EGFLAM: variants seen among roughly 807,000 people sequenced by gnomAD.
EGFLAM encodes pikachurin.
A neutral mutation model predicts 113.1 loss-of-function variants in EGFLAM; 79 were observed. That is an observed-to-expected ratio of 0.70 (90% CI 0.58 to 0.84). The LOEUF (loss-of-function observed/expected upper bound fraction) is 0.84, where lower values mean the gene tolerates loss of function less well. Among genes scored for constraint, EGFLAM ranks in the 40% least tolerant of loss-of-function variants. The pLI is 0.00. For missense variants in EGFLAM, 1,265 were observed against 1,291.6 expected, an observed-to-expected ratio of 0.98 and a Z score of 0.32; for synonymous variants, 504 against 487.6, an observed-to-expected ratio of 1.03 and a Z score of -0.44.
At chr5:38,272,127 G>T (rs1001250338) in intron 1 of EGFLAM, among the ~76,000 whole-genome samples, 3 of 152,190 alleles carry the variant, frequency 2.0e-5, no homozygotes, top group Non-Finnish European at 4.4e-5. Flanking sequence ...CCTACATGCT[G>T]CCAAAGGCTA....
chr5:38,330,711 C>A (rs1157235977), intron 1 of EGFLAM, among the ~76,000 whole-genome samples: 2 of 152,176 alleles, frequency 1.3e-5, no homozygotes, highest in African/African-American at 4.8e-5. Flanking sequence ...GCAAAGGAAG[C>A]AAGAAATATT....
chr5:38,406,713 C>A lies in EGFLAM; in HGVS notation c.829-115C>A. ...TCAGTGCTGTCTTCCCCATCTCCAT[C>A]CTAGGGTTTTTGGAAGTGACCATGT... is the stretch of plus-strand genomic sequence containing the variant. On this transcript the variant is annotated intron_variant, in intron 7 of 21. Coordinates refer to ENST00000322350, the MANE Select transcript of EGFLAM (RefSeq NM_152403.4). 3.1e-6 allele frequency: 3 copies of A among 961,444 alleles called. 1 individual carries two copies. The highest frequency in any genetic ancestry group is 3.4e-5 in the South Asian group (2 of 59,212). 59.6% of individuals were successfully genotyped at this position (961,444 alleles called of 1,614,324 possible).
intron 1 of EGFLAM, among the ~76,000 whole-genome samples, chr5:38,315,913 T>C (rs1169331525): frequency 6.6e-6 from 1 of 151,980 alleles, no homozygotes; most frequent in African/African-American, 2.4e-5. Flanking sequence ...CTGTCTCTAC[T>C]AAAAATACAA....
At chr5:38,458,228 C>T in intron 19 of EGFLAM, 83 bp from the exon 20 acceptor site, 1 of 1,282,386 alleles carries the variant, frequency 7.8e-7, no homozygotes, top group African/African-American at 1.5e-5. Context: ...GAACTTTTGC[C>T]CTGAGAATCG....
intron 3 of EGFLAM, among the ~76,000 whole-genome samples, chr5:38,349,561 C>T (rs1347378661): frequency 1.3e-5 from 2 of 152,240 alleles, no homozygotes; most frequent in East Asian, 1.9e-4. Flanking sequence ...GTGGCAGAAT[C>T]AGGATTCAAG....
chr5:38,380,989 G>A lies in EGFLAM; in HGVS notation c.712+10527G>A, dbSNP rs534035857. Among the ~76,000 whole-genome samples the A allele has an allele frequency of 2.6e-4, 39 of 152,264 alleles. 1 individual carries two copies. The South Asian group carries it at 4.8e-3, about 19-fold the overall frequency. On this transcript the variant is annotated intron_variant, in intron 6 of 21. Transcript: ENST00000322350. ...TTTCAACTGGAGCATCTGCTCAGTC[G>A]GTCGGCTGATATTTCATGGCCTCAG...
At chr5:38,313,270 A>G (rs1437779315) in intron 1 of EGFLAM, among the ~76,000 whole-genome samples, 2 of 152,204 alleles carry the variant, frequency 1.3e-5, no homozygotes, top group Non-Finnish European at 2.9e-5. Flanking sequence ...TATATTGTAC[A>G]TGCATTCATT....
At chr5:38,391,379 T>C (rs72740346) in intron 6 of EGFLAM, among the ~76,000 whole-genome samples, 36,807 of 149,982 alleles carry the variant, frequency 0.25, 4,785 homozygotes, top group African/African-American at 0.34. Flanking sequence ...TCTTTTTTCT[T>C]TTCTTTGTGT....
intron 1 of EGFLAM, among the ~76,000 whole-genome samples, chr5:38,309,763 T>C (rs933140891): frequency 6.6e-6 from 1 of 152,226 alleles, no homozygotes; most frequent in Non-Finnish European, 1.5e-5. Context: ...CTTGCTTCTT[T>C]TGTTTAATTG....
intron 1 of EGFLAM, among the ~76,000 whole-genome samples, chr5:38,296,494 T>C (rs1277005717): frequency 2.6e-5 from 4 of 152,106 alleles, no homozygotes; most frequent in Non-Finnish European, 5.9e-5. Context: ...TACAGTAGAA[T>C]TCCAACTAAT....
rs150922509 is a variant in EGFLAM at position 38,268,613 on chromosome 5, G to A, written c.97+9762G>A. ...AGCAGCAGGTTGTATGATAATTTTC[G>A]TGGCTTCTTTCCCATGGATATTTTA... On this transcript the variant is annotated intron_variant, in intron 1 of 21. Transcript: ENST00000322350. Among the ~76,000 whole-genome samples, 519 of 152,276 alleles carry A rather than the reference G, an allele frequency of 3.4e-3. 8 individuals carry two copies. Among genetic ancestry groups the A allele is most frequent in the Non-Finnish European group, 2.3e-3 (156 of 68,016 alleles).
At chr5:38,349,005 G>A (rs1025148178) in intron 3 of EGFLAM, among the ~76,000 whole-genome samples, 5 of 152,114 alleles carry the variant, frequency 3.3e-5, no homozygotes, top group South Asian at 4.2e-4. Flanking sequence ...TTAGATCACC[G>A]AGTGATTCTA....
intron 1 of EGFLAM, among the ~76,000 whole-genome samples, chr5:38,261,055 C>A (rs183114970): frequency 1.3e-5 from 2 of 152,276 alleles, no homozygotes; most frequent in East Asian, 1.9e-4. Context: ...ATTTGGATGA[C>A]CCTCCCTATC....
Position 38,418,166 on chromosome 5 carries a change from A to C in EGFLAM, c.1595A>C (p.Gln532Pro). The C allele has an allele frequency of 6.2e-7, 1 of 1,614,182 alleles. No individual in the cohort carries two copies. Among genetic ancestry groups the C allele is most frequent in the African/African-American group, 1.3e-5 (1 of 75,056 alleles). ...GCAACAGGGACAAACCGAGGCTTTCAAGGCTGTGTGCAGTCGCTCGCTGTG... is the reference window on the plus strand; with the variant it reads ...GCAACAGGGACAAACCGAGGCTTTCCAGGCTGTGTGCAGTCGCTCGCTGTG... ...VRATGTNRGF[Q>P]GCVQSLAVNG... is the part of the protein sequence containing the mutation. The change falls in exon 12 of 22, where the codon CAA becomes CCA. Residue 532 changes from glutamine (Q) to proline (P), a missense_variant. Coordinates refer to ENST00000322350, the MANE Select transcript of EGFLAM (RefSeq NM_152403.4).
At chr5:38,457,194 C>T (rs1052885912) in intron 19 of EGFLAM, among the ~76,000 whole-genome samples, 4 of 152,206 alleles carry the variant, frequency 2.6e-5, no homozygotes, top group Non-Finnish European at 4.4e-5. Context: ...TTCCCTTAAT[C>T]TCTCTGGGGC....
intron 11 of EGFLAM, among the ~76,000 whole-genome samples, chr5:38,414,821 C>G (rs569153162): frequency 5.9e-5 from 9 of 152,258 alleles, no homozygotes; most frequent in East Asian, 5.8e-4. Flanking sequence ...TGGACCCCCC[C>G]TCAAGGCCAG....
intron 19 of EGFLAM, among the ~76,000 whole-genome samples, chr5:38,457,091 G>A (rs1444199022): frequency 6.6e-6 from 1 of 152,180 alleles, no homozygotes; most frequent in Non-Finnish European, 1.5e-5. Context: ...AAAATAGGAA[G>A]CCACTAGAGA....
At chr5:38,302,449 G>C (rs892507007) in intron 1 of EGFLAM, among the ~76,000 whole-genome samples, 1 of 151,986 alleles carries the variant, frequency 6.6e-6, no homozygotes, top group Non-Finnish European at 1.5e-5. Flanking sequence ...ACTGCATTAT[G>C]GGGTCAATAA....
At chr5:38,286,735 G>A (rs1186308624) in intron 1 of EGFLAM, among the ~76,000 whole-genome samples, 1 of 152,190 alleles carries the variant, frequency 6.6e-6, no homozygotes, top group Non-Finnish European at 1.5e-5. Flanking sequence ...GAATATCTGA[G>A]TTTGGGATAC....
Sources: allele counts gnomAD v4.1 joint callset (sites outside exome capture counted in the v4.1 genomes callset), GRCh38; gene constraint gnomAD v4.1.1; transcripts MANE v1.5; gene names NCBI Gene and HGNC (gene_info 2026-07-23, HGNC 2026-07-21).